The following SLC9A9 variants were observed in gnomAD, a reference collection of about 807,000 sequenced individuals.
SLC9A9 encodes the protein solute carrier family 9 member A9.
In SLC9A9, 62 loss-of-function variants were observed where a neutral mutation model predicts 77.8. The observed-to-expected ratio is 0.80, with a 90% CI of 0.65 to 0.98. The LOEUF (loss-of-function observed/expected upper bound fraction) is 0.98, where lower values mean the gene tolerates loss of function less well. SLC9A9 is among the 50% of genes least tolerant of loss of function. The pLI, the probability that SLC9A9 is intolerant of heterozygous loss-of-function variation, is 0.00. For synonymous variants in SLC9A9, 320 were observed against 283.5 expected, an observed-to-expected ratio of 1.13 and a Z score of -1.29; for missense variants, 775 against 774.9, an observed-to-expected ratio of 1.00 and a Z score of 0.00.
chr3:143,842,230 A>G (rs1294270401), intron 1 of SLC9A9, among the ~76,000 whole-genome samples: 2 of 152,142 alleles, frequency 1.3e-5, no homozygotes, highest in African/African-American at 4.8e-5. Flanking sequence ...AACACAAAAA[A>G]GTTAGCCAGG....
At chr3:143,367,664 C>G (rs578249688) in intron 13 of SLC9A9, among the ~76,000 whole-genome samples, 9 of 152,252 alleles carry the variant, frequency 5.9e-5, no homozygotes, top group African/African-American at 1.9e-4. Flanking sequence ...AGAGAGCCAG[C>G]CCACGGGAGG....
At chr3:143,412,717 C>A (rs56076453) in intron 12 of SLC9A9, among the ~76,000 whole-genome samples, 4 of 152,334 alleles carry the variant, frequency 2.6e-5, no homozygotes, top group Non-Finnish European at 5.9e-5. Flanking sequence ...CTTGTTTGTT[C>A]CTTAGTGGCA....
At chr3:143,683,678 A>G (rs1933174351) in intron 5 of SLC9A9, among the ~76,000 whole-genome samples, 1 of 152,156 alleles carries the variant, frequency 6.6e-6, no homozygotes, top group Non-Finnish European at 1.5e-5. Context: ...CAAAGTACAT[A>G]GGGGTAAAAT....
At chr3:143,762,249 G>A (rs1481577026) in intron 4 of SLC9A9, among the ~76,000 whole-genome samples, 2 of 152,158 alleles carry the variant, frequency 1.3e-5, no homozygotes, top group South Asian at 4.1e-4. Flanking sequence ...TAAATGACGA[G>A]TTAATGGGTG....
chr3:143,776,946 A>C (rs926350771), intron 4 of SLC9A9, among the ~76,000 whole-genome samples: 2 of 152,220 alleles, frequency 1.3e-5, no homozygotes, highest in African/African-American at 4.8e-5. Flanking sequence ...GAATGGTACA[A>C]TATATTCTCA....
chr3:143,767,190 G>A (rs554906252), intron 4 of SLC9A9, among the ~76,000 whole-genome samples: 1 of 152,228 alleles, frequency 6.6e-6, no homozygotes, highest in South Asian at 2.1e-4. Flanking sequence ...TTGGACTAGA[G>A]TAACATGTCC....
chr3:143,699,300 C>G (rs1576667381), intron 4 of SLC9A9, among the ~76,000 whole-genome samples: 1 of 150,650 alleles, frequency 6.6e-6, no homozygotes, highest in Admixed American at 6.7e-5. Context: ...TTGTACACCC[C>G]ACAAATATAA....
intron 14 of SLC9A9, among the ~76,000 whole-genome samples, chr3:143,359,527 G>T (rs932354885): frequency 1.6e-4 from 25 of 152,324 alleles, no homozygotes; most frequent in African/African-American, 5.3e-4. Context: ...AAGAGCCAGT[G>T]CAAGGGCCTG....
Position 143,454,483 on chromosome 3 carries a change from A to C in SLC9A9, c.1469+12554T>G, listed in dbSNP as rs143895490. ...ATATTTTGATCTATGATCCATTTTG[A>C]GTCAATTTCTTTGTAAGTTCTGAGG... On this transcript the variant is annotated intron_variant, in intron 12 of 15. Transcript: ENST00000316549. Among the ~76,000 whole-genome samples the C allele has an allele frequency of 2.1e-4, 32 of 152,098 alleles. 1 individual carries two copies. Among genetic ancestry groups the C allele is most frequent in the Admixed American group, 4.6e-4 (7 of 15,268 alleles).
At chr3:143,329,410 T>G (rs577890713) in intron 14 of SLC9A9, among the ~76,000 whole-genome samples, 1 of 152,364 alleles carries the variant, frequency 6.6e-6, no homozygotes, top group Non-Finnish European at 1.5e-5. Context: ...AATTCTCCTT[T>G]GCATTGGCAG....
intron 4 of SLC9A9, among the ~76,000 whole-genome samples, chr3:143,699,780 C>A (rs1197227920): frequency 1.3e-5 from 2 of 152,120 alleles, no homozygotes; most frequent in Non-Finnish European, 2.9e-5. Flanking sequence ...CTAGGTGATT[C>A]TGCAGCTCAG....
chr3:143,701,860 A>C (rs9863260), intron 4 of SLC9A9, among the ~76,000 whole-genome samples: 98,863 of 151,970 alleles, frequency 0.65, 32,465 homozygotes, highest in East Asian at 0.88. Context: ...GCCTCAAGGC[A>C]TCTAATAATC....
At chr3:143,508,771 T>C (rs1480286650) in intron 9 of SLC9A9, among the ~76,000 whole-genome samples, 2 of 152,186 alleles carry the variant, frequency 1.3e-5, no homozygotes, top group Admixed American at 6.5e-5. Flanking sequence ...TTGCTCAACT[T>C]TTCCTTTCAC....
intron 14 of SLC9A9, among the ~76,000 whole-genome samples, chr3:143,338,592 C>T (rs1307897547): frequency 1.3e-5 from 2 of 152,182 alleles, no homozygotes; most frequent in Admixed American, 1.3e-4. Flanking sequence ...AATAATGCTA[C>T]ACCTGACTGC....
intron 13 of SLC9A9, among the ~76,000 whole-genome samples, chr3:143,369,638 T>C (rs1016322572): frequency 2.0e-5 from 3 of 152,072 alleles, no homozygotes; most frequent in Non-Finnish European, 2.9e-5. Context: ...TACGTGCCAG[T>C]TAAAAATTTT....
intron 5 of SLC9A9, among the ~76,000 whole-genome samples, chr3:143,679,458 T>C (rs866062973): frequency 3.9e-5 from 6 of 152,334 alleles, no homozygotes; most frequent in East Asian, 3.9e-4. Context: ...CTTGGCACTA[T>C]TGATATTTTA....
At chr3:143,517,292 A>C (rs2036217969) in intron 9 of SLC9A9, 3 of 1,261,716 alleles carry the variant, frequency 2.4e-6, no homozygotes, top group East Asian at 4.6e-5. Flanking sequence ...AATTTCATTG[A>C]GTCCAGGCAT....
At chr3:143,628,555 T>A (rs2038369265) in intron 6 of SLC9A9, among the ~76,000 whole-genome samples, 1 of 152,206 alleles carries the variant, frequency 6.6e-6, no homozygotes, top group African/African-American at 2.4e-5. Flanking sequence ...ACTGTAAAGT[T>A]GAAAAATCAT....
chr3:143,790,304 C>T (rs931041551), intron 4 of SLC9A9, among the ~76,000 whole-genome samples: 43 of 152,190 alleles, frequency 2.8e-4, no homozygotes, highest in African/African-American at 9.9e-4. Flanking sequence ...TGAGAATGGA[C>T]TAATACATTA....
Sources: allele counts gnomAD v4.1 joint callset (sites outside exome capture counted in the v4.1 genomes callset), GRCh38; gene constraint gnomAD v4.1.1; transcripts MANE v1.5; gene names NCBI Gene and HGNC (gene_info 2026-07-23, HGNC 2026-07-21).